CREB5: variants seen among roughly 807,000 people sequenced by gnomAD.
CREB5 encodes cAMP responsive element binding protein 5.
Under a neutral mutation model 57.1 loss-of-function variants are expected in CREB5, and 19 were observed. That is an observed-to-expected ratio of 0.33 (90% CI 0.23 to 0.49). The LOEUF is 0.49. Among genes scored for constraint, CREB5 ranks in the 20% least tolerant of loss-of-function variants. The pLI is 0.99. For missense variants in CREB5, 579 were observed against 671.6 expected (o/e 0.86, Z 1.52); for synonymous variants, 238 against 238.3 (o/e 1.00, Z 0.01).
chr7:28,592,229 T>C (rs1164018741), intron 5 of CREB5, among the ~76,000 whole-genome samples: 1 of 152,150 alleles, frequency 6.6e-6, no homozygotes, highest in East Asian at 1.9e-4. Flanking sequence ...ATGTGAACAT[T>C]TGAAACGCTT....
At chr7:28,595,675 C>T (rs763891533) in intron 5 of CREB5, among the ~76,000 whole-genome samples, 6 of 152,172 alleles carry the variant, frequency 3.9e-5, no homozygotes, top group Non-Finnish European at 5.9e-5. Context: ...TTCTCACCAG[C>T]GTGGTCTTAA....
chr7:28,576,691 G>A (rs1015745667), intron 5 of CREB5, among the ~76,000 whole-genome samples: 1 of 152,220 alleles, frequency 6.6e-6, no homozygotes, highest in Non-Finnish European at 1.5e-5. Flanking sequence ...CTTGCAGGAA[G>A]ACCACTATTC....
chr7:28,358,821 GCCAT>G (rs1455227209), intron 1 of CREB5, among the ~76,000 whole-genome samples: 1 of 152,164 alleles, frequency 6.6e-6, no homozygotes, highest in African/African-American at 2.4e-5. Context: ...GGAATATAGA[GCCAT>G]CCTGAGATGA....
At chr7:28,735,061 A>G (rs1234364948) in intron 7 of CREB5, among the ~76,000 whole-genome samples, 2 of 151,944 alleles carry the variant, frequency 1.3e-5, no homozygotes, top group African/African-American at 4.8e-5. Flanking sequence ...TTATACTTTC[A>G]TTCTCTAAGA....
chr7:28,435,611 CA>C, intron 1 of CREB5: 1 of 984,586 alleles, frequency 1.0e-6, no homozygotes, highest in Non-Finnish European at 1.2e-6. Flanking sequence ...TTGCAAAAGG[CA>C]AGTTTTAGTG....
chr7:28,683,292 A>G (rs1359581057), intron 5 of CREB5, among the ~76,000 whole-genome samples: 1 of 152,066 alleles, frequency 6.6e-6, no homozygotes, highest in Non-Finnish European at 1.5e-5. Context: ...AGGAAGGAAA[A>G]TGGGAAAGTA....
chr7:28,535,919 G>A (rs916225013), intron 4 of CREB5, among the ~76,000 whole-genome samples: 1 of 152,056 alleles, frequency 6.6e-6, no homozygotes, highest in Non-Finnish European at 1.5e-5. Context: ...AATCTAAAAG[G>A]ACGGAAAATG....
intron 5 of CREB5, among the ~76,000 whole-genome samples, chr7:28,637,895 T>C (rs1175385084): frequency 6.6e-6 from 1 of 152,182 alleles, no homozygotes; most frequent in Non-Finnish European, 1.5e-5. Context: ...CAAGGAATAT[T>C]AGACTAGGTA....
At chr7:28,330,271 C>T (rs1014610037) in intron 1 of CREB5, among the ~76,000 whole-genome samples, 1 of 152,058 alleles carries the variant, frequency 6.6e-6, no homozygotes, top group African/African-American at 2.4e-5. Flanking sequence ...TTTATAGATC[C>T]TTTGATCAAT....
chr7:28,528,443 G>A (rs1233820670), intron 4 of CREB5, among the ~76,000 whole-genome samples: 2 of 152,154 alleles, frequency 1.3e-5, no homozygotes, highest in East Asian at 1.9e-4. Flanking sequence ...AGTGGCTCAC[G>A]CCTGTAATCC....
At chr7:28,404,848 G>A (rs60649823) in intron 1 of CREB5, among the ~76,000 whole-genome samples, 4,620 of 152,204 alleles carry the variant, frequency 0.03, 233 homozygotes, top group African/African-American at 0.11. Context: ...CTTGTGCTCA[G>A]GACTACCAAA....
chr7:28,575,714 A>G (rs567801179), intron 5 of CREB5, among the ~76,000 whole-genome samples: 4 of 152,236 alleles, frequency 2.6e-5, no homozygotes, highest in Non-Finnish European at 5.9e-5. Context: ...TATCACGGCT[A>G]TGAACATAGC....
intron 4 of CREB5, among the ~76,000 whole-genome samples, chr7:28,509,173 A>G (rs1464875272): frequency 2.0e-5 from 3 of 152,194 alleles, no homozygotes; most frequent in African/African-American, 7.2e-5. Context: ...TATAAGAAAG[A>G]TGTGTATTTC....
chr7:28,750,314 A>C (rs1583666206), intron 7 of CREB5, among the ~76,000 whole-genome samples: 1 of 152,194 alleles, frequency 6.6e-6, no homozygotes, highest in East Asian at 1.9e-4. Flanking sequence ...GTTGGGGCTC[A>C]TCATCCTTTG....
intron 1 of CREB5, among the ~76,000 whole-genome samples, chr7:28,470,842 C>T (rs192983646): frequency 6.6e-6 from 1 of 152,196 alleles, no homozygotes; most frequent in East Asian, 1.9e-4. Flanking sequence ...CGTTGCACAC[C>T]CTTTCATATG....
chr7:28,299,733 A>G (rs1275889879), intron 1 of CREB5, among the ~76,000 whole-genome samples: 2 of 152,364 alleles, frequency 1.3e-5, no homozygotes, highest in Middle Eastern at 3.4e-3. Context: ...TGATTGTGCA[A>G]TGTGACCCAA....
chr7:28,712,938 T>G (rs1240432567), intron 5 of CREB5, among the ~76,000 whole-genome samples: 3 of 152,198 alleles, frequency 2.0e-5, no homozygotes, highest in Non-Finnish European at 4.4e-5. Flanking sequence ...ATTCCTCTCT[T>G]TAGCATTTCA....
chr7:28,743,838 C>CTTTTTTTTT (rs58302393), intron 7 of CREB5, among the ~76,000 whole-genome samples: 49 of 76,004 alleles, frequency 6.4e-4, no homozygotes, highest in Non-Finnish European at 7.8e-4. Context: ...ATCTCCTTTT[C>CTTTTTTTTT]TTTTTTTTTT....
intron 1 of CREB5, among the ~76,000 whole-genome samples, chr7:28,374,602 ATATGATTCCATTTG>A (rs1786784737): frequency 6.6e-6 from 1 of 152,188 alleles, no homozygotes; most frequent in African/African-American, 2.4e-5. Context: ...ATAAGACTAC[ATATGATTCCATTTG>A]TATGATTCCA....
Sources: gnomAD v4.1 joint callset for allele counts (sites outside exome capture counted in the v4.1 genomes callset) on GRCh38, gnomAD v4.1.1 for gene constraint, MANE v1.5 for transcripts, NCBI Gene and HGNC (gene_info 2026-07-23, HGNC 2026-07-21) for gene names.